The following LYN variants were observed in gnomAD, a reference collection of about 807,000 sequenced individuals.
LYN encodes tyrosine-protein kinase Lyn.
A neutral mutation model predicts 65.0 loss-of-function variants in LYN; 12 were observed. The ratio of observed to expected loss-of-function variants is 0.18; its 90% CI spans 0.12 to 0.30. The LOEUF is 0.30. Ranked by LOEUF, LYN falls within the 10% of genes least tolerant of loss-of-function variation. The pLI, the probability that LYN is intolerant of heterozygous loss-of-function variation, is 1.00. For missense variants in LYN, 380 were observed against 623.2 expected (o/e 0.61, Z 4.16); for synonymous variants, 222 against 221.2 (o/e 1.00, Z -0.03).
chr8:55,923,610 G>C (rs1003295525), intron 1 of LYN, among the ~76,000 whole-genome samples: 11 of 152,090 alleles, frequency 7.2e-5, no homozygotes, highest in Admixed American at 6.6e-4. Context: ...CACAATCTCA[G>C]CTCACTGCAA....
chr8:55,923,636 T>C (rs1352983584), intron 1 of LYN, among the ~76,000 whole-genome samples: 1 of 152,052 alleles, frequency 6.6e-6, no homozygotes, highest in Non-Finnish European at 1.5e-5. Flanking sequence ...GCCTCCTGGG[T>C]TCAAGCGATT....
chr8:55,971,323 G>A (rs1807603576), intron 10 of LYN, among the ~76,000 whole-genome samples: 1 of 152,216 alleles, frequency 6.6e-6, no homozygotes, highest in South Asian at 2.1e-4. Flanking sequence ...TGCAGTAAGA[G>A]GAATAGGTGG....
intron 10 of LYN, among the ~76,000 whole-genome samples, 183 bp from the exon 11 acceptor site, chr8:55,998,163 G>A (rs1000233094): frequency 4.0e-5 from 6 of 151,858 alleles, no homozygotes; most frequent in Non-Finnish European, 5.9e-5. Flanking sequence ...GGCAGAGGGT[G>A]GTCAGTTATT....
chr8:55,978,242 G>T (rs556621134), intron 10 of LYN, among the ~76,000 whole-genome samples: 1 of 152,282 alleles, frequency 6.6e-6, no homozygotes, highest in African/African-American at 2.4e-5. Flanking sequence ...TGCTTTAAAA[G>T]TTGCCCCAGC....
intron 10 of LYN, among the ~76,000 whole-genome samples, chr8:55,976,676 G>T (rs113000587): frequency 1.3e-5 from 2 of 152,204 alleles, no homozygotes; most frequent in African/African-American, 2.4e-5. Flanking sequence ...ATGGAGCGTA[G>T]TAGGGTGGGC....
chr8:55,959,087 T>C (rs908917620), intron 8 of LYN, among the ~76,000 whole-genome samples: 6 of 152,244 alleles, frequency 3.9e-5, no homozygotes, highest in Non-Finnish European at 8.8e-5. Context: ...CGTGTGTAAG[T>C]GTTCCCTTTC....
chr8:56,003,565 G>A (rs1432273235), intron 12 of LYN, among the ~76,000 whole-genome samples: 2 of 152,006 alleles, frequency 1.3e-5, no homozygotes, highest in Non-Finnish European at 2.9e-5. Context: ...CTACTTGAGA[G>A]GCTGAGGCAG....
At chr8:55,882,507 A>T (rs996354468) in intron 1 of LYN, among the ~76,000 whole-genome samples, 56 of 152,242 alleles carry the variant, frequency 3.7e-4, no homozygotes, top group African/African-American at 1.3e-3. Flanking sequence ...CCATGTATAC[A>T]TGCCCACAGC....
intron 1 of LYN, among the ~76,000 whole-genome samples, chr8:55,917,929 T>G (rs1255355434): frequency 6.6e-6 from 1 of 152,162 alleles, no homozygotes; most frequent in Non-Finnish European, 1.5e-5. Flanking sequence ...TTCATAGAAG[T>G]TCTTTGGGTT....
intron 1 of LYN, among the ~76,000 whole-genome samples, chr8:55,902,014 T>C (rs993590303): frequency 8.0e-6 from 1 of 124,680 alleles, no homozygotes; most frequent in Non-Finnish European, 1.8e-5. Context: ...ACCTGTACTT[T>C]CTTTTTTTTT....
At chr8:55,974,249 C>T (rs1294953243) in intron 10 of LYN, among the ~76,000 whole-genome samples, 3 of 152,192 alleles carry the variant, frequency 2.0e-5, no homozygotes, top group African/African-American at 7.2e-5. Flanking sequence ...TCATTTTGCA[C>T]TCAACCCTAC....
At chr8:55,884,747 T>C (rs532450657) in intron 1 of LYN, among the ~76,000 whole-genome samples, 1 of 152,328 alleles carries the variant, frequency 6.6e-6, no homozygotes, top group Admixed American at 6.5e-5. Flanking sequence ...CCACCGTGCC[T>C]GGCCCTGTCT....
intron 10 of LYN, among the ~76,000 whole-genome samples, chr8:55,997,503 G>A (rs569482837): frequency 1.3e-5 from 2 of 152,258 alleles, no homozygotes; most frequent in African/African-American, 2.4e-5. Flanking sequence ...TCACGTGGTG[G>A]AAGGGGCAAG....
intron 1 of LYN, among the ~76,000 whole-genome samples, chr8:55,918,251 G>A (rs1805835533): frequency 6.6e-6 from 1 of 152,196 alleles, no homozygotes; most frequent in Non-Finnish European, 1.5e-5. Flanking sequence ...ACAGGCCTCT[G>A]AGACAGACCA....
intron 2 of LYN, 59 bp from the exon 3 acceptor site, chr8:55,946,389 C>G: frequency 9.3e-7 from 1 of 1,077,744 alleles, no homozygotes; most frequent in South Asian, 1.3e-5. Context: ...ATATACAACA[C>G]GAATGTGAGT....
At chr8:55,940,275 C>T (rs1806569706) in intron 1 of LYN, 1 of 152,388 alleles carries the variant, frequency 6.6e-6, no homozygotes, top group South Asian at 2.1e-4. Context: ...GAGCAGCATG[C>T]TCCCACTGTG....
chr8:55,956,897 G>A (rs1233118950), intron 8 of LYN, among the ~76,000 whole-genome samples: 1 of 152,208 alleles, frequency 6.6e-6, no homozygotes, highest in Non-Finnish European at 1.5e-5. Flanking sequence ...CAGGAGGAAG[G>A]GAGAAAAGAG....
chr8:55,963,875 G>T (rs909087574), intron 8 of LYN, among the ~76,000 whole-genome samples: 1 of 152,066 alleles, frequency 6.6e-6, no homozygotes, highest in Non-Finnish European at 1.5e-5. Flanking sequence ...GCTGTGATTT[G>T]CTATGGATAT....
chr8:55,902,504 T>C (rs1032643606), intron 1 of LYN, among the ~76,000 whole-genome samples: 1 of 151,592 alleles, frequency 6.6e-6, no homozygotes, highest in Non-Finnish European at 1.5e-5. Context: ...ATTTTTTTTT[T>C]CTAGAAGTTG....
Sources: allele counts gnomAD v4.1 joint callset (sites outside exome capture counted in the v4.1 genomes callset), GRCh38; gene constraint gnomAD v4.1.1; transcripts MANE v1.5; gene names NCBI Gene and HGNC (gene_info 2026-07-23, HGNC 2026-07-21).